Variants in SIRT2 observed in about 807,000 individuals in gnomAD.
The protein encoded by SIRT2 is sirtuin 2.
SIRT2 carries 40 observed loss-of-function variants against 57.4 expected under a neutral mutation model. The observed-to-expected ratio is 0.70, with a 90% CI of 0.54 to 0.91. SIRT2 has a LOEUF of 0.91. SIRT2 is among the 40% of genes least tolerant of loss of function. The pLI, the probability that SIRT2 is intolerant of heterozygous loss-of-function variation, is 0.00. For synonymous variants in SIRT2, 161 were observed against 195.7 expected, an observed-to-expected ratio of 0.82 and a Z score of 1.48; for missense variants, 439 against 510.4, an observed-to-expected ratio of 0.86 and a Z score of 1.35.
At chr19:38,879,798 C>A in intron 13 of SIRT2, 96 bp from the exon 14 acceptor site, 1 of 830,660 alleles carries the variant, frequency 1.2e-6, no homozygotes, top group Non-Finnish European at 1.9e-6. Flanking sequence ...TATCCTAGCT[C>A]TGTGACTTTG....
intron 8 of SIRT2, among the ~76,000 whole-genome samples, chr19:38,885,905 A>G (rs1484979380): frequency 1.3e-5 from 2 of 152,110 alleles, no homozygotes; most frequent in Non-Finnish European, 2.9e-5. Flanking sequence ...TTCTTTTAAG[A>G]CAGTGAGACT....
chr19:38,897,203 GGGC>G (rs1229779219), intron 2 of SIRT2, among the ~76,000 whole-genome samples: 1 of 152,172 alleles, frequency 6.6e-6, no homozygotes, highest in Non-Finnish European at 1.5e-5. Flanking sequence ...ACTAAACAGT[GGGC>G]CCAGCTTTAG....
In SIRT2 at chr19:38,878,918, A is replaced by C; in HGVS notation, c.*237T>G. The C allele has an allele frequency of 2.0e-6, 1 of 491,016 alleles. No homozygotes were observed. The highest frequency in any genetic ancestry group is 3.6e-6 in the Non-Finnish European group (1 of 281,256). The allele number at this position is 491,016 out of a possible 1,614,324, so 30.4% of individuals were successfully genotyped here. A position where few individuals can be genotyped will look rare whatever the true frequency, so the allele number is the denominator to read the frequency against. Reference sequence around the variant, plus strand: ...GTTACTCCTTAGCCCAGGAGTGGTTAGAGACAGTGGGGCTGGTAGAGATGC... The same window carrying C: ...GTTACTCCTTAGCCCAGGAGTGGTTCGAGACAGTGGGGCTGGTAGAGATGC... On this transcript the variant is annotated 3_prime_UTR_variant, in exon 16 of 16. Transcript: ENST00000249396.
At chr19:38,898,306 GC>G (rs763833342) in intron 2 of SIRT2, 72 bp downstream of exon 2, 5 of 1,187,784 alleles carry the variant, frequency 4.2e-6, no homozygotes, top group Non-Finnish European at 5.7e-6. Context: ...TTTCCCCTTT[GC>G]CACCTCCCCC....
chr19:38,882,858 G>A (rs1973198350), intron 9 of SIRT2, among the ~76,000 whole-genome samples: 1 of 152,060 alleles, frequency 6.6e-6, no homozygotes, highest in Admixed American at 6.6e-5. Flanking sequence ...TGGGGGTAAT[G>A]TGAATTGTAC....
intron 9 of SIRT2, among the ~76,000 whole-genome samples, chr19:38,882,005 T>G (rs970012688): frequency 8.6e-5 from 13 of 151,788 alleles, no homozygotes; most frequent in African/African-American, 3.1e-4. Flanking sequence ...GTTTGTTTGT[T>G]TTTTTGAGAC....
At chr19:38,889,255 C>T in intron 7 of SIRT2, 100 bp from the exon 8 acceptor site, 1 of 1,133,388 alleles carries the variant, frequency 8.8e-7, no homozygotes, top group South Asian at 1.2e-5. Context: ...CTGTTTTACC[C>T]CCAGGGAACC....
At chr19:38,891,191 G>A (rs7251489) in intron 4 of SIRT2, among the ~76,000 whole-genome samples, 18,914 of 152,196 alleles carry the variant, frequency 0.12, 1,768 homozygotes, top group East Asian at 0.37. Context: ...CAAATAATAG[G>A]GCACTTGTAA....
chr19:38,882,635 C>CAA (rs58017382), intron 9 of SIRT2, among the ~76,000 whole-genome samples: 4 of 118,086 alleles, frequency 3.4e-5, no homozygotes, highest in African/African-American at 9.2e-5. Flanking sequence ...GACTCCATCT[C>CAA]AAAAAAAAAA....
chr19:38,891,731 G>T, intron 4 of SIRT2: 1 of 380,892 alleles, frequency 2.6e-6, no homozygotes. Context: ...CACCACTCCC[G>T]GCCTCAACTA....
chr19:38,888,679 A>G (rs1224043082), intron 8 of SIRT2, among the ~76,000 whole-genome samples: 1 of 152,216 alleles, frequency 6.6e-6, no homozygotes, highest in Non-Finnish European at 1.5e-5. Flanking sequence ...GACACGTGTC[A>G]TAGTGTATGG....
intron 9 of SIRT2, among the ~76,000 whole-genome samples, 179 bp downstream of exon 9, chr19:38,883,448 C>G (rs1973220733): frequency 6.6e-6 from 1 of 152,132 alleles, no homozygotes; most frequent in African/African-American, 2.4e-5. Flanking sequence ...CTGCAGTGAG[C>G]CATGATCACC....
At chr19:38,883,183 C>G (rs944692813) in intron 9 of SIRT2, among the ~76,000 whole-genome samples, 1 of 149,542 alleles carries the variant, frequency 6.7e-6, no homozygotes, top group African/African-American at 2.5e-5. Flanking sequence ...CAGGTTCAAG[C>G]GATTCTCCTG....
chr19:38,892,733 TG>T (rs1973581180), intron 4 of SIRT2, among the ~76,000 whole-genome samples: 1 of 121,148 alleles, frequency 8.3e-6, no homozygotes, highest in Admixed American at 1.0e-4. Context: ...CCCCCATATC[TG>T]ACTATTTTTT....
At chr19:38,891,132 C>G (rs1241276455) in intron 4 of SIRT2, among the ~76,000 whole-genome samples, 1 of 152,268 alleles carries the variant, frequency 6.6e-6, no homozygotes, top group Non-Finnish European at 1.5e-5. Context: ...CCTTTTCCTC[C>G]TCTGTTCAGA....
At position 38,879,696 on chromosome 19, in the gene SIRT2, G is replaced by T. The variant is rs1369524108; in HGVS notation, c.883C>A (p.Pro295Thr). Residue 295 changes from proline (P) to threonine (T), a missense_variant, in exon 14 of 16, where the codon CCT becomes ACT. Physicochemically the swap from Pro to Thr is conservative, Grantham distance 38. Transcript: ENST00000249396. ...AGGCCCATAATCATCCCCAGGAAAG[G>T]GTCCGACTGTCAGGGAGGGGGTGGG... ...INKEKAGQSDPFLGMIMGLGG... is the reference protein window; with the variant it reads ...INKEKAGQSDTFLGMIMGLGG... The T allele has an allele frequency of 6.4e-7, 1 of 1,567,980 alleles. No individual in the cohort carries two copies.
rs749485890 is a variant in SIRT2 at position 38,899,533 on chromosome 19, TG to T, written c.-13del. On this transcript the variant is annotated 5_prime_UTR_variant, in exon 1 of 16. Transcript: ENST00000249396. ...TCTGGCTCTGCCATGGGCGCGGTGCTGAAGCCCTTGAGGCTGTCACCGACCG... is the reference window on the plus strand; with the variant it reads ...TCTGGCTCTGCCATGGGCGCGGTGCTAAGCCCTTGAGGCTGTCACCGACCG... 14 of 1,613,682 alleles carry T rather than the reference TG, an allele frequency of 8.7e-6. No homozygotes were observed. Among genetic ancestry groups the T allele is most frequent in the Non-Finnish European group, 1.1e-5 (13 of 1,179,980 alleles).
At chr19:38,885,927 AC>A (rs1176625662) in intron 8 of SIRT2, among the ~76,000 whole-genome samples, 1 of 152,028 alleles carries the variant, frequency 6.6e-6, no homozygotes, top group East Asian at 1.9e-4. Context: ...TCCATATTAA[AC>A]AGGTGGGAAT....
Position 38,880,742 on chromosome 19 carries a change from G to C in SIRT2, c.825-6C>G. 2 of 1,608,802 alleles carry C rather than the reference G, an allele frequency of 1.2e-6. No homozygotes were observed. Among genetic ancestry groups the C allele is most frequent in the Non-Finnish European group, 1.7e-6 (2 of 1,176,134 alleles). On this transcript the variant is annotated splice_polypyrimidine_tract_variant and splice_region_variant and intron_variant, in intron 12 of 15. Transcript: ENST00000249396. This position sits in a 1 kb window ranked among gnomAD's most constrained non-coding sequence, Gnocchi z 4.1. The stretch of plus-strand genomic sequence containing the variant: ...GAGGGGTGGAGAGGGGTGCCCTGTG[G>C]GGAGGGGGAGCTAAGGGGTCAGGGT...
Sources: gnomAD v4.1 joint callset for allele counts (sites outside exome capture counted in the v4.1 genomes callset) on GRCh38, gnomAD v4.1.1 for gene constraint, Gnocchi (gnomAD v3.1) non-coding constraint, MANE v1.5 for transcripts, NCBI Gene and HGNC (gene_info 2026-07-23, HGNC 2026-07-21) for gene names.